The following GAS7 variants were observed in gnomAD, a reference collection of about 807,000 sequenced individuals.
GAS7 encodes the protein growth arrest specific 7, also known as growth arrest-specific protein 7.
In GAS7, 28 loss-of-function variants were observed where a neutral mutation model predicts 71.1. That is an observed-to-expected ratio of 0.39 (90% CI 0.29 to 0.54). The LOEUF (loss-of-function observed/expected upper bound fraction) is 0.54. Ranked by LOEUF, GAS7 falls within the 20% of genes least tolerant of loss-of-function variation. The pLI is 0.62. For synonymous variants in GAS7, 258 were observed against 245.8 expected (o/e 1.05, Z -0.46); for missense variants, 436 against 627.8 (o/e 0.69, Z 3.27).
chr17:10,087,621 C>T (rs1329178743), intron 1 of GAS7, among the ~76,000 whole-genome samples: 2 of 152,142 alleles, frequency 1.3e-5, no homozygotes, highest in East Asian at 1.9e-4. Flanking sequence ...AAGCAGTAAG[C>T]GTCAGGGTTC....
rs2067490170 is a variant in GAS7, at chr17:9,913,310, C to G, written c.*3918G>C. 4.3e-6 allele frequency: 1 copy of G among 232,866 alleles called. No individual in the cohort carries two copies. The highest frequency in any genetic ancestry group is 2.2e-5 in the African/African-American group (1 of 45,278). The allele number at this position is 232,866 out of a possible 1,614,324, so 14.4% of individuals were successfully genotyped here. On this transcript the variant is annotated 3_prime_UTR_variant, in exon 14 of 14. Transcript: ENST00000432992. The stretch of plus-strand genomic sequence containing the variant: ...CCCCACTTAACATTAGAAGTGCTCT[C>G]TCCGACCTACACAAGGAATGCATCT...
At chr17:10,170,236 C>T (rs962042598) in intron 1 of GAS7, among the ~76,000 whole-genome samples, 9 of 152,090 alleles carry the variant, frequency 5.9e-5, no homozygotes, top group African/African-American at 2.2e-4. Context: ...AGTCACTCCT[C>T]TGCTCAATGG....
At chr17:10,180,327 G>C (rs2074404715) in intron 1 of GAS7, among the ~76,000 whole-genome samples, 2 of 94,164 alleles carry the variant, frequency 2.1e-5, no homozygotes, top group Non-Finnish European at 2.1e-5. Context: ...GCAAAACTCT[G>C]CCTCAAAAAA....
chr17:10,133,172 G>A (rs2074012631), intron 1 of GAS7, among the ~76,000 whole-genome samples: 1 of 146,790 alleles, frequency 6.8e-6, no homozygotes, highest in Non-Finnish European at 1.5e-5. Flanking sequence ...CGCCCAGGTT[G>A]AGATCGTGCA....
At chr17:10,037,873 C>T (rs2072785592) in intron 1 of GAS7, among the ~76,000 whole-genome samples, 1 of 151,856 alleles carries the variant, frequency 6.6e-6, no homozygotes, top group African/African-American at 2.4e-5. Context: ...CAAAAAGAGT[C>T]CAGACTGAAC....
At chr17:9,956,728 A>G (rs79384367) in intron 5 of GAS7, among the ~76,000 whole-genome samples, 2,823 of 152,264 alleles carry the variant, frequency 0.019, 34 homozygotes, top group Non-Finnish European at 0.03. Context: ...CTTTCTCTGG[A>G]TCCACCACCC....
At chr17:10,024,525 G>A (rs1210256849) in intron 1 of GAS7, among the ~76,000 whole-genome samples, 1 of 152,142 alleles carries the variant, frequency 6.6e-6, no homozygotes, top group Non-Finnish European at 1.5e-5. Flanking sequence ...AGCAGGATTT[G>A]GGGTGGGGGA....
chr17:9,913,266 G>A lies in GAS7; in HGVS notation c.*3962C>T, dbSNP rs2067488700. ...GATAAGACGATGTCCAGGCTACGTG[G>A]GGGGGCAGCTGATCTGTACCCCACT... is the stretch of plus-strand genomic sequence containing the variant. On this transcript the variant is annotated 3_prime_UTR_variant, in exon 14 of 14. Transcript: ENST00000432992. 8.6e-6 allele frequency: 2 copies of A among 232,778 alleles called. No individual in the cohort carries two copies. Among genetic ancestry groups the A allele is most frequent in the South Asian group, 3.6e-4 (2 of 5,506 alleles). The allele number at this position is 232,778 out of a possible 1,614,324, so 14.4% of individuals were successfully genotyped here. A position where few individuals can be genotyped will look rare whatever the true frequency, so the allele number is the denominator to read the frequency against.
intron 1 of GAS7, among the ~76,000 whole-genome samples, chr17:10,164,612 C>T (rs1481040632): frequency 6.6e-6 from 1 of 151,354 alleles, no homozygotes; most frequent in Non-Finnish European, 1.5e-5. Flanking sequence ...TGGCAGTGAG[C>T]CATGATCATA....
At chr17:10,023,728 T>C in intron 1 of GAS7, among the ~76,000 whole-genome samples, 1 of 152,228 alleles carries the variant, frequency 6.6e-6, no homozygotes, top group Middle Eastern at 3.2e-3. Flanking sequence ...GTAATGACAC[T>C]GTTCCGGAAC....
intron 3 of GAS7, among the ~76,000 whole-genome samples, chr17:9,977,051 C>T (rs1385134230): frequency 2.6e-5 from 4 of 152,176 alleles, no homozygotes; most frequent in South Asian, 2.1e-4. Flanking sequence ...TTCAGTTACT[C>T]GTAATGCACG....
chr17:10,052,158 G>A (rs991530571), intron 1 of GAS7, among the ~76,000 whole-genome samples: 5 of 151,890 alleles, frequency 3.3e-5, no homozygotes, highest in East Asian at 3.9e-4. Flanking sequence ...GAATGAAAAC[G>A]AGCCCCAGAA....
rs140006736 is a variant in GAS7, at chr17:9,913,824, G to C, written c.*3404C>G. ...AGCAACCAACTTGGAACACCATTTG[G>C]CTTAAGGAATTTTTTTTTTCTTTTT... is the stretch of plus-strand genomic sequence containing the variant. On this transcript the variant is annotated 3_prime_UTR_variant, in exon 14 of 14. Coordinates refer to ENST00000432992, the MANE Select transcript of GAS7 (RefSeq NM_201433.2). 6.7e-4 allele frequency: 155 copies of C among 231,798 alleles called. No individual in the cohort carries two copies. The highest frequency in any genetic ancestry group is 3.3e-3 in the African/African-American group (150 of 45,334). 14.4% of individuals were successfully genotyped at this position (231,798 alleles called of 1,614,324 possible).
chr17:10,015,069 C>T (rs2071936812), intron 2 of GAS7, among the ~76,000 whole-genome samples: 2 of 151,842 alleles, frequency 1.3e-5, no homozygotes, highest in South Asian at 2.1e-4. Flanking sequence ...GCAAGAGAAT[C>T]GCTTGAACCG....
chr17:10,160,676 T>C (rs1375303545), intron 1 of GAS7, among the ~76,000 whole-genome samples: 2 of 152,136 alleles, frequency 1.3e-5, no homozygotes. Context: ...CCTCTAACTA[T>C]AATATAGAAA....
At chr17:9,990,378 G>A (rs1044368634) in intron 2 of GAS7, among the ~76,000 whole-genome samples, 8 of 152,336 alleles carry the variant, frequency 5.3e-5, no homozygotes, top group African/African-American at 7.2e-5. Flanking sequence ...CAGAGCGAGC[G>A]AGCCAGGGGA....
At chr17:10,061,634 C>T (rs2152242773) in intron 1 of GAS7, among the ~76,000 whole-genome samples, 1 of 152,330 alleles carries the variant, frequency 6.6e-6, no homozygotes, top group East Asian at 1.9e-4. Flanking sequence ...AAGATGCACA[C>T]AAGCACCGAC....
chr17:9,965,625 C>T (rs1011264162), intron 4 of GAS7, among the ~76,000 whole-genome samples: 1 of 152,162 alleles, frequency 6.6e-6, no homozygotes, highest in African/African-American at 2.4e-5. Flanking sequence ...CACATGTGTA[C>T]CTATGTAACA....
intron 1 of GAS7, among the ~76,000 whole-genome samples, chr17:10,083,713 A>G (rs1432940582): frequency 1.3e-5 from 2 of 152,252 alleles, no homozygotes; most frequent in Non-Finnish European, 2.9e-5. Context: ...AAGGCAGGAA[A>G]GTCCCCCATG....
Sources: gnomAD v4.1 joint callset for allele counts (sites outside exome capture counted in the v4.1 genomes callset) on GRCh38, gnomAD v4.1.1 for gene constraint, MANE v1.5 for transcripts, NCBI Gene and HGNC (gene_info 2026-07-23, HGNC 2026-07-21) for gene names.